MSRA: variants seen among roughly 807,000 people sequenced by gnomAD.
MSRA encodes methionine sulfoxide reductase A.
Under a neutral mutation model 31.3 loss-of-function variants are expected in MSRA, and 54 were observed. That is an observed-to-expected ratio of 1.73 (90% CI 1.39 to 2.17). The LOEUF (loss-of-function observed/expected upper bound fraction) is 2.17, where lower values mean the gene tolerates loss of function less well. Ranked by LOEUF, MSRA falls within the 30% of genes most tolerant of loss-of-function variation. MSRA has a pLI of 0.00. For missense variants in MSRA, 507 were observed against 300.9 expected (o/e 1.69, Z -5.07); for synonymous variants, 169 against 116.5 (o/e 1.45, Z -2.90).
intron 1 of MSRA, among the ~76,000 whole-genome samples, chr8:10,201,903 G>C (rs1424591227): frequency 6.6e-6 from 1 of 152,208 alleles, no homozygotes; most frequent in African/African-American, 2.4e-5. Flanking sequence ...ATGTGGCTTT[G>C]GCATGTGCCC....
intron 5 of MSRA, among the ~76,000 whole-genome samples, chr8:10,323,644 T>C (rs767984724): frequency 5.3e-5 from 8 of 152,152 alleles, no homozygotes; most frequent in Non-Finnish European, 8.8e-5. Flanking sequence ...TAATTATCCT[T>C]TCATTATTTT....
intron 5 of MSRA, among the ~76,000 whole-genome samples, chr8:10,323,026 G>T (rs201458917): frequency 6.8e-6 from 1 of 146,514 alleles, no homozygotes; most frequent in Admixed American, 7.0e-5. Context: ...GGAAGCAAAG[G>T]TTGCACTGAG....
rs570058879 is a variant in MSRA, at chr8:10,195,311, G to C, written c.143-12522G>C. Among the ~76,000 whole-genome samples the C allele has an allele frequency of 1.3e-3, 203 of 152,262 alleles. 2 individuals carry two copies. Among genetic ancestry groups the C allele is most frequent in the African/African-American group, 4.6e-3 (192 of 41,546 alleles). On this transcript the variant is annotated intron_variant, in intron 1 of 5. Transcript: ENST00000317173. ...GCTTCAGTGCAGTGGCACAATCTCG[G>C]CTCATTGCAATCTCTGCCTCCCGGG...
At chr8:10,208,026 C>G in intron 2 of MSRA, 125 bp downstream of exon 2, 1 of 669,766 alleles carries the variant, frequency 1.5e-6, no homozygotes, top group South Asian at 2.3e-5. Flanking sequence ...CAAGTTGTTA[C>G]AGCCAAGAAA....
chr8:10,257,926 G>A lies in MSRA; in HGVS notation c.331+12703G>A, dbSNP rs111567463. 4.1e-3 allele frequency among the ~76,000 whole-genome samples: 618 copies of A among 152,314 alleles called. 7 individuals carry two copies. Among genetic ancestry groups the A allele is most frequent in the African/African-American group, 0.014 (587 of 41,546 alleles). On this transcript the variant is annotated intron_variant, in intron 3 of 5. Coordinates refer to ENST00000317173, the MANE Select transcript of MSRA (RefSeq NM_012331.5). The stretch of plus-strand genomic sequence containing the variant: ...CAGCATGTCTTGTTAAGAAGCAGGA[G>A]ATGAGTTCATGAGATTTCCACACAC...
At chr8:10,074,661 T>G (rs1034817120) in intron 1 of MSRA, among the ~76,000 whole-genome samples, 1 of 152,138 alleles carries the variant, frequency 6.6e-6, no homozygotes, top group Non-Finnish European at 1.5e-5. Context: ...TCTTCTTTTC[T>G]TTTCTTTTCT....
intron 2 of MSRA, among the ~76,000 whole-genome samples, chr8:10,210,737 ATT>A (rs11343981): frequency 0.025 from 3,568 of 142,048 alleles, 142 homozygotes; most frequent in African/African-American, 0.086. Context: ...TTATAATGTC[ATT>A]TTTTTTTTTT....
intron 4 of MSRA, among the ~76,000 whole-genome samples, chr8:10,304,164 T>C (rs1238545248): frequency 2.0e-5 from 3 of 152,332 alleles, no homozygotes; most frequent in African/African-American, 4.8e-5. Flanking sequence ...CTTGAACTTA[T>C]GACCTCAAGT....
At chr8:10,119,410 A>G (rs1800940210) in intron 1 of MSRA, among the ~76,000 whole-genome samples, 1 of 152,190 alleles carries the variant, frequency 6.6e-6, no homozygotes, top group Non-Finnish European at 1.5e-5. Context: ...GGACATGTGG[A>G]CGTGCTTTCT....
chr8:10,151,493 A>G (rs1040016965), intron 1 of MSRA, among the ~76,000 whole-genome samples: 3 of 151,748 alleles, frequency 2.0e-5, no homozygotes, highest in Non-Finnish European at 2.9e-5. Context: ...AATACAAAAA[A>G]TAAAAAATTA....
intron 2 of MSRA, among the ~76,000 whole-genome samples, chr8:10,228,668 C>A (rs956909626): frequency 6.6e-6 from 1 of 152,122 alleles, no homozygotes; most frequent in Non-Finnish European, 1.5e-5. Flanking sequence ...GAATTCCAGG[C>A]CTTCCTTCAT....
In MSRA at chr8:10,331,908, A is replaced by T. The variant is rs58647675; in HGVS notation, c.543+11919A>T. ...TATTCATTTATTTATAATAATTTTG[A>T]TCTGTGGTTGGATGAATCCAAGCAC... is the stretch of plus-strand genomic sequence containing the variant. On this transcript the variant is annotated intron_variant, in intron 5 of 5. Transcript: ENST00000317173. 1.7e-3 allele frequency among the ~76,000 whole-genome samples: 253 copies of T among 152,234 alleles called. 1 individual carries two copies. The highest frequency in any genetic ancestry group is 5.8e-3 in the African/African-American group (240 of 41,522).
At chr8:10,142,185 C>T (rs1471413398) in intron 1 of MSRA, among the ~76,000 whole-genome samples, 4 of 152,084 alleles carry the variant, frequency 2.6e-5, no homozygotes, top group Non-Finnish European at 5.9e-5. Flanking sequence ...CTGCAACTCC[C>T]GACCTCAGGT....
intron 1 of MSRA, among the ~76,000 whole-genome samples, chr8:10,175,480 G>T (rs909766591): frequency 6.6e-6 from 1 of 152,192 alleles, no homozygotes; most frequent in African/African-American, 2.4e-5. Flanking sequence ...TGATAACCGA[G>T]ATTCCAGATT....
At chr8:10,340,847 C>A (rs1485901718) in intron 5 of MSRA, among the ~76,000 whole-genome samples, 1 of 152,244 alleles carries the variant, frequency 6.6e-6, no homozygotes, top group African/African-American at 2.4e-5. Flanking sequence ...ATCAGCTTCT[C>A]TGTTCACTTG....
intron 5 of MSRA, among the ~76,000 whole-genome samples, chr8:10,406,501 G>A (rs1807826139): frequency 6.6e-6 from 1 of 152,304 alleles, no homozygotes; most frequent in Middle Eastern, 3.4e-3. Context: ...GGAGATGGGT[G>A]TTGGGGATGT....
At chr8:10,348,652 GC>G (rs1278178228) in intron 5 of MSRA, among the ~76,000 whole-genome samples, 3 of 152,136 alleles carry the variant, frequency 2.0e-5, no homozygotes, top group Non-Finnish European at 4.4e-5. Context: ...ACAGGTGTGA[GC>G]CACCATGCCT....
intron 5 of MSRA, among the ~76,000 whole-genome samples, chr8:10,387,942 C>A (rs1411897682): frequency 4.6e-5 from 7 of 152,284 alleles, no homozygotes; most frequent in South Asian, 4.1e-4. Context: ...CTTGGCATGC[C>A]AAAGCCGCCT....
chr8:10,116,217 C>A (rs117596433), intron 1 of MSRA, among the ~76,000 whole-genome samples: 3,139 of 152,314 alleles, frequency 0.021, 41 homozygotes, highest in African/African-American at 0.023. Context: ...CCGTTGAGTG[C>A]ATCCTAACCC....
Sources: allele counts gnomAD v4.1 joint callset (sites outside exome capture counted in the v4.1 genomes callset), GRCh38; gene constraint gnomAD v4.1.1; transcripts MANE v1.5; gene names NCBI Gene and HGNC (gene_info 2026-07-23, HGNC 2026-07-21).